Variants in CNBD1 observed in about 807,000 individuals in gnomAD.
CNBD1 encodes cyclic nucleotide binding domain containing 1.
CNBD1 carries 71 observed loss-of-function variants against 54.4 expected under a neutral mutation model. The observed-to-expected ratio is 1.30, with a 90% CI of 1.08 to 1.59. The LOEUF (loss-of-function observed/expected upper bound fraction) is 1.59, where lower values mean the gene tolerates loss of function less well. Ranked by LOEUF, CNBD1 falls within the 40% of genes most tolerant of loss-of-function variation. The probability of loss-of-function intolerance (pLI) is 0.00; values close to 1 mark genes in which losing one functional copy is unlikely to be tolerated. For synonymous variants in CNBD1, 182 were observed against 170.7 expected (o/e 1.07, Z -0.51); for missense variants, 659 against 518.0 (o/e 1.27, Z -2.64).
At chr8:87,200,533 G>A (rs529740618) in intron 4 of CNBD1, among the ~76,000 whole-genome samples, 1 of 152,076 alleles carries the variant, frequency 6.6e-6, no homozygotes, top group East Asian at 1.9e-4. Context: ...TAAGAAAAAA[G>A]CAAAGAGAAG....
chr8:86,931,553 C>CT (rs1446407350), intron 3 of CNBD1, among the ~76,000 whole-genome samples: 1 of 152,098 alleles, frequency 6.6e-6, no homozygotes, highest in East Asian at 1.9e-4. Context: ...CGTTTTCTGT[C>CT]TTTTCTGAAC....
chr8:86,959,247 G>C (rs927236386), intron 4 of CNBD1, among the ~76,000 whole-genome samples: 1 of 152,154 alleles, frequency 6.6e-6, no homozygotes, highest in Non-Finnish European at 1.5e-5. Flanking sequence ...TCCCTTTGTG[G>C]GTAACCCAAC....
At chr8:87,110,913 A>G (rs1413849624) in intron 4 of CNBD1, among the ~76,000 whole-genome samples, 2 of 152,238 alleles carry the variant, frequency 1.3e-5, no homozygotes, top group Admixed American at 6.5e-5. Context: ...ATGGGAATGC[A>G]TTCTAGTAAA....
In CNBD1 at chr8:87,326,592, G is replaced by C. The variant is rs1407900492; in HGVS notation, c.1043-25093G>C. 8.7e-3 allele frequency among the ~76,000 whole-genome samples: 997 copies of C among 114,762 alleles called. 82 individuals carry two copies. The highest frequency in any genetic ancestry group is 0.03 in the African/African-American group (933 of 30,662). The allele number at this position is 114,762 out of a possible 152,430, so 75.3% of individuals were successfully genotyped here. A position where few individuals can be genotyped will look rare whatever the true frequency, so the allele number is the denominator to read the frequency against. ...CTGATACCCTTTCTTCCAGTTGATC[G>C]CATCGGCTCCTGAGGCTTCTGCATT... is the stretch of plus-strand genomic sequence containing the variant. On this transcript the variant is annotated intron_variant, in intron 8 of 10. Transcript: ENST00000518476.
intron 8 of CNBD1, among the ~76,000 whole-genome samples, chr8:87,308,033 A>G (rs1809193528): frequency 1.3e-5 from 2 of 151,992 alleles, no homozygotes; most frequent in Non-Finnish European, 2.9e-5. Flanking sequence ...AAGTTTCCCC[A>G]TGTTATGGCA....
At chr8:87,352,539 G>T (rs944692098) in intron 9 of CNBD1, among the ~76,000 whole-genome samples, 2 of 150,486 alleles carry the variant, frequency 1.3e-5, no homozygotes, top group South Asian at 4.2e-4. Flanking sequence ...AGTAGTCCAC[G>T]TATCCACTGA....
chr8:87,215,966 A>G (rs1271213844), intron 5 of CNBD1, among the ~76,000 whole-genome samples: 1 of 152,184 alleles, frequency 6.6e-6, no homozygotes, highest in Non-Finnish European at 1.5e-5. Context: ...AACATTTTGC[A>G]TGAATGGAAT....
chr8:86,893,901 C>T (rs932197578), intron 2 of CNBD1, among the ~76,000 whole-genome samples: 8 of 151,998 alleles, frequency 5.3e-5, no homozygotes, highest in African/African-American at 1.7e-4. Context: ...TACTACTCCA[C>T]TCTAGCTTTT....
At chr8:86,975,653 A>G (rs898434353) in intron 4 of CNBD1, among the ~76,000 whole-genome samples, 4 of 152,030 alleles carry the variant, frequency 2.6e-5, no homozygotes, top group Non-Finnish European at 2.9e-5. Flanking sequence ...AGTTGTTTCT[A>G]TATCTTGACT....
At chr8:87,119,324 GT>G (rs34925068) in intron 4 of CNBD1, among the ~76,000 whole-genome samples, 1,891 of 145,558 alleles carry the variant, frequency 0.013, 30 homozygotes, top group African/African-American at 0.039. Context: ...AATTCTTAGG[GT>G]TTTTTTTTTG....
At chr8:87,213,469 C>G (rs984132980) in intron 5 of CNBD1, among the ~76,000 whole-genome samples, 1 of 152,144 alleles carries the variant, frequency 6.6e-6, no homozygotes, top group Non-Finnish European at 1.5e-5. Flanking sequence ...CAAGACACAT[C>G]TTACATGGTG....
rs1004555916 is a variant in CNBD1 at position 87,389,347 on chromosome 8, A to G, written c.213+35561A>G. On this transcript the variant is annotated intron_variant, in intron 2 of 7. Transcript: ENST00000521593. ...CAGATGACATGATTGTGTATCTAGA[A>G]AACCCCAGCGTCTCAGCCCAAAATC... is the stretch of plus-strand genomic sequence containing the variant. Among the ~76,000 whole-genome samples, 6 of 152,200 alleles carry G rather than the reference A, an allele frequency of 3.9e-5. No homozygotes were observed. In the East Asian group the frequency reaches 5.8e-4, roughly 15 times the overall value.
At chr8:87,359,506 A>G (rs898801528) in intron 10 of CNBD1, among the ~76,000 whole-genome samples, 3 of 152,164 alleles carry the variant, frequency 2.0e-5, no homozygotes, top group Non-Finnish European at 2.9e-5. Context: ...CTATTCCAAG[A>G]TAGTTAAATG....
At chr8:87,409,304 C>A (rs938982020) in intron 2 of CNBD1, among the ~76,000 whole-genome samples, 2 of 152,114 alleles carry the variant, frequency 1.3e-5, no homozygotes, top group Admixed American at 6.6e-5. Context: ...TCCCTCAAGC[C>A]TCAGCATCTA....
intron 4 of CNBD1, among the ~76,000 whole-genome samples, chr8:87,202,824 C>T (rs750487416): frequency 3.3e-4 from 50 of 152,146 alleles, no homozygotes; most frequent in Non-Finnish European, 3.4e-4. Flanking sequence ...AGCATGAGAG[C>T]ATGGCTGGCC....
intron 2 of CNBD1, among the ~76,000 whole-genome samples, chr8:87,404,230 T>G (rs10105587): frequency 4.6e-5 from 7 of 151,770 alleles, no homozygotes; most frequent in African/African-American, 1.7e-4. Context: ...GTTCAAAAGT[T>G]GGAACAGCTT....
At chr8:87,090,164 A>G (rs1253154464) in intron 4 of CNBD1, among the ~76,000 whole-genome samples, 1 of 152,180 alleles carries the variant, frequency 6.6e-6, no homozygotes, top group African/African-American at 2.4e-5. Flanking sequence ...AAAGATAAGT[A>G]AGCCAAACAC....
At chr8:87,113,510 A>G (rs1218427991) in intron 4 of CNBD1, among the ~76,000 whole-genome samples, 1 of 152,196 alleles carries the variant, frequency 6.6e-6, no homozygotes, top group African/African-American at 2.4e-5. Context: ...TGCTAAATTA[A>G]TGTTATTATG....
At chr8:86,981,785 AT>A (rs1422854766) in intron 4 of CNBD1, among the ~76,000 whole-genome samples, 1 of 152,078 alleles carries the variant, frequency 6.6e-6, no homozygotes, top group Non-Finnish European at 1.5e-5. Flanking sequence ...ATATACTGTA[AT>A]TTGTTCATCC....
Sources: gnomAD v4.1 joint callset for allele counts (sites outside exome capture counted in the v4.1 genomes callset) on GRCh38, gnomAD v4.1.1 for gene constraint, MANE v1.5 for transcripts, NCBI Gene and HGNC (gene_info 2026-07-23, HGNC 2026-07-21) for gene names.